DENND2B: variants seen among roughly 807,000 people sequenced by gnomAD.
DENND2B encodes DENN domain containing 2B.
DENND2B carries 32 observed loss-of-function variants against 116.0 expected under a neutral mutation model. The observed-to-expected ratio is 0.28, with a 90% CI of 0.21 to 0.37. DENND2B has a LOEUF of 0.37. Ranked by LOEUF, DENND2B falls within the 10% of genes least tolerant of loss-of-function variation. The pLI, the probability that DENND2B is intolerant of heterozygous loss-of-function variation, is 1.00. For missense variants in DENND2B, 1,276 were observed against 1,477.7 expected, an observed-to-expected ratio of 0.86 and a Z score of 2.24; for synonymous variants, 588 against 583.9, an observed-to-expected ratio of 1.01 and a Z score of -0.10.
chr11:8,780,232 A>G (rs534486122), intron 1 of DENND2B, among the ~76,000 whole-genome samples: 1 of 152,328 alleles, frequency 6.6e-6, no homozygotes, highest in East Asian at 1.9e-4. Flanking sequence ...GTATGGGTCC[A>G]TCCTCAAGGA....
At chr11:8,837,186 A>C (rs2062463369) in intron 4 of DENND2B, among the ~76,000 whole-genome samples, 1 of 149,704 alleles carries the variant, frequency 6.7e-6, no homozygotes, top group African/African-American at 2.5e-5. Flanking sequence ...AATCTCAGTC[A>C]TTTCAGAAGG....
At chr11:8,822,654 CTTCTAAAGG>C (rs2061810346) in intron 4 of DENND2B, among the ~76,000 whole-genome samples, 1 of 152,232 alleles carries the variant, frequency 6.6e-6, no homozygotes, top group Non-Finnish European at 1.5e-5. Context: ...ATCCCCATGG[CTTCTAAAGG>C]TTTCCCTTTC....
At chr11:8,903,309 T>C (rs1239502778) in intron 1 of DENND2B, among the ~76,000 whole-genome samples, 4 of 151,342 alleles carry the variant, frequency 2.6e-5, no homozygotes, top group African/African-American at 7.3e-5. Flanking sequence ...GTTACTTGGG[T>C]GGATTAGGCA....
chr11:8,776,146 G>GTGCACACA (rs2057627269), intron 1 of DENND2B: 4 of 264,216 alleles, frequency 1.5e-5, no homozygotes, highest in African/African-American at 1.3e-4. Flanking sequence ...GCACGTGCGC[G>GTGCACACA]CACGCGCGCG....
chr11:8,824,690 A>ATTT (rs777570022), intron 4 of DENND2B, among the ~76,000 whole-genome samples: 2 of 143,442 alleles, frequency 1.4e-5, no homozygotes, highest in East Asian at 2.0e-4. Context: ...ATCAAACAAA[A>ATTT]TTTTTTTTTT....
Position 8,696,678 on chromosome 11 carries a change from A to T in DENND2B, c.3053-12T>A. 1.9e-6 allele frequency: 3 copies of T among 1,612,946 alleles called. No individual in the cohort carries two copies. Among genetic ancestry groups the T allele is most frequent in the Non-Finnish European group, 8.5e-7 (1 of 1,179,046 alleles). ...GAGGGTATTACATTCTGGAAGGGAA[A>T]AGACAATCTTTGAGGTTCAGGTCAA... On this transcript the variant is annotated splice_polypyrimidine_tract_variant and intron_variant, in intron 17 of 19. Transcript: ENST00000313726.
intron 1 of DENND2B, chr11:8,776,186 A>ACACACACACACACACACACCCC (rs761084725): frequency 1.8e-5 from 8 of 435,168 alleles, no homozygotes; most frequent in Admixed American, 1.2e-4. Context: ...ACACACACAC[A>ACACACACACACACACACACCCC]CCTACCTCTC....
intron 2 of DENND2B, among the ~76,000 whole-genome samples, chr11:8,866,797 G>A (rs921187121): frequency 2.0e-5 from 3 of 152,088 alleles, no homozygotes; most frequent in Non-Finnish European, 4.4e-5. Flanking sequence ...ACACTAAGAG[G>A]GGTCACATTC....
At chr11:8,843,713 C>A (rs2062706634) in intron 3 of DENND2B, among the ~76,000 whole-genome samples, 1 of 152,180 alleles carries the variant, frequency 6.6e-6, no homozygotes, top group Non-Finnish European at 1.5e-5. Flanking sequence ...TGCCGTAAAT[C>A]ACCATCCTGC....
At chr11:8,874,165 A>G (rs2063819891), upstream of DENND2B, among the ~76,000 whole-genome samples, 1 of 152,178 alleles carries the variant, frequency 6.6e-6, no homozygotes, top group Non-Finnish European at 1.5e-5. Flanking sequence ...TCCACCCGCA[A>G]GCCATTTCCT....
intron 2 of DENND2B, among the ~76,000 whole-genome samples, chr11:8,743,209 T>A (rs537031062): frequency 6.6e-6 from 1 of 152,116 alleles, no homozygotes; most frequent in Admixed American, 6.6e-5. Flanking sequence ...CCTCAATAAA[T>A]CTGTTTAAAA....
chr11:8,718,096 A>AACCCCCCCCCCCCCCCCCCCCCCC, intron 4 of DENND2B: 2 of 65,002 alleles, frequency 3.1e-5, no homozygotes, highest in Non-Finnish European at 5.7e-5. Flanking sequence ...AAGCAGACCC[A>AACCCCCCCCCCCCCCCCCCCCCCC]CCCCCCCACC....
upstream of DENND2B, among the ~76,000 whole-genome samples, chr11:8,872,332 C>T (rs1031904312): frequency 3.9e-5 from 6 of 151,942 alleles, no homozygotes; most frequent in South Asian, 4.2e-4. Context: ...ACTAAAAATA[C>T]GAAAGTTAGC....
At chr11:8,825,246 G>A (rs1385143832) in intron 4 of DENND2B, among the ~76,000 whole-genome samples, 1 of 151,866 alleles carries the variant, frequency 6.6e-6, no homozygotes, top group Non-Finnish European at 1.5e-5. Context: ...ATCTCATTGT[G>A]GTTTTGATTT....
At chr11:8,701,239 C>T (rs1413627078) in intron 14 of DENND2B, among the ~76,000 whole-genome samples, 2 of 151,926 alleles carry the variant, frequency 1.3e-5, no homozygotes, top group Non-Finnish European at 1.5e-5. Context: ...GCCCTTGCCC[C>T]TACAGGTGCC....
chr11:8,716,403 C>T (rs2044797681), intron 5 of DENND2B, among the ~76,000 whole-genome samples: 1 of 152,220 alleles, frequency 6.6e-6, no homozygotes, highest in African/African-American at 2.4e-5. Flanking sequence ...CAGCCCTGAT[C>T]TACTCTCTGC....
At chr11:8,726,966 C>G (rs188530130) in intron 3 of DENND2B, among the ~76,000 whole-genome samples, 1 of 152,220 alleles carries the variant, frequency 6.6e-6, no homozygotes, top group Non-Finnish European at 1.5e-5. Flanking sequence ...CTAGCTTGCT[C>G]CTTTCCATCC....
intron 2 of DENND2B, among the ~76,000 whole-genome samples, chr11:8,737,854 C>T (rs138709195): frequency 9.9e-4 from 150 of 152,124 alleles, no homozygotes; most frequent in African/African-American, 3.5e-3. Context: ...CTCAAGCCAT[C>T]TTCCCACCTT....
At chr11:8,891,599 T>C (rs2064033934) in intron 1 of DENND2B, among the ~76,000 whole-genome samples, 1 of 152,132 alleles carries the variant, frequency 6.6e-6, no homozygotes, top group Non-Finnish European at 1.5e-5. Context: ...TCCTAGTCTC[T>C]GATAAAACAT....
Sources: gnomAD v4.1 joint callset for allele counts (sites outside exome capture counted in the v4.1 genomes callset) on GRCh38, gnomAD v4.1.1 for gene constraint, MANE v1.5 for transcripts, NCBI Gene and HGNC (gene_info 2026-07-23, HGNC 2026-07-21) for gene names.